CPSF4L: variants seen among roughly 807,000 people sequenced by gnomAD.
The protein encoded by CPSF4L is putative cleavage and polyadenylation specificity factor subunit 4-like protein.
Under a neutral mutation model 24.0 loss-of-function variants are expected in CPSF4L, and 18 were observed. That is an observed-to-expected ratio of 0.75 (90% confidence interval 0.52 to 1.11). CPSF4L has a LOEUF of 1.11. Among genes scored for constraint, CPSF4L ranks in the 50% least tolerant of loss-of-function variants. CPSF4L has a pLI of 0.00. For missense variants in CPSF4L, 211 were observed against 221.8 expected (o/e 0.95, Z 0.31); for synonymous variants, 72 against 77.2 (o/e 0.93, Z 0.35).
chr17:73,243,077 ATTTTTTTT>A, the CPSF4L span: 1,257 of 438,392 alleles, frequency 2.9e-3, 6 homozygotes, highest in East Asian at 0.039. Flanking sequence ...GATTCTCTGA[ATTTTTTTT>A]TTTTTTTTTT....
At chr17:73,256,124 G>C (rs2145279748) in intron 3 of CPSF4L, among the ~76,000 whole-genome samples, 1 of 152,284 alleles carries the variant, frequency 6.6e-6, no homozygotes, top group African/African-American at 2.4e-5. Context: ...GGGCGGAGGG[G>C]GACCTGGTCC....
chr17:73,259,850 C>T (rs186008922), intron 2 of CPSF4L, among the ~76,000 whole-genome samples: 2 of 152,324 alleles, frequency 1.3e-5, no homozygotes, highest in African/African-American at 2.4e-5. Flanking sequence ...TAAACTCTCA[C>T]ACCAGTGAGA....
intron 1 of CPSF4L, 139 bp downstream of exon 1, chr17:73,261,577 C>T (rs776244965): frequency 1.7e-5 from 11 of 640,750 alleles, no homozygotes; most frequent in Non-Finnish European, 2.5e-5. Context: ...AGGAGAATGG[C>T]GTGAACCCAG....
Position 73,261,773 on chromosome 17 carries a change from C to G in CPSF4L, c.46G>C (p.Glu16Gln), listed in dbSNP as rs777056080. ...CCCTTCTGCATCTCGACATCCTTCTCGAAGGCAAAGGTGAACCGCTCTAGC... is the reference window on the plus strand; with the variant it reads ...CCCTTCTGCATCTCGACATCCTTCTGGAAGGCAAAGGTGAACCGCTCTAGC... ...AGLERFTFAF[E>Q]KDVEMQKGTG... The change falls in exon 1 of 6, where the codon GAG becomes CAG. Residue 16 changes from glutamate (E) to glutamine (Q), a missense_variant. By Grantham distance (29) the Glu-to-Gln change is conservative. Coordinates refer to ENST00000344935, the MANE Select transcript of CPSF4L (RefSeq NM_001129885.1). 1 of 1,551,814 alleles carries G rather than the reference C, an allele frequency of 6.4e-7. No individual in the cohort carries two copies. The highest frequency in any genetic ancestry group is 1.7e-4 in the Middle Eastern group (1 of 5,992).
At chr17:73,251,001 C>G (rs1182998930) in intron 5 of CPSF4L, 3 of 1,547,644 alleles carry the variant, frequency 1.9e-6, no homozygotes, top group Non-Finnish European at 2.6e-6. Flanking sequence ...CCCTTGACCC[C>G]TGATCCCCAG....
At chr17:73,253,896 C>G in intron 4 of CPSF4L, 35 bp downstream of exon 4, 1 of 1,458,432 alleles carries the variant, frequency 6.9e-7, no homozygotes, top group South Asian at 1.2e-5. Flanking sequence ...CTGATCCCCA[C>G]AGCCCCTAGG....
chr17:73,248,983 G>T, intron 5 of CPSF4L: 1 of 156,060 alleles, frequency 6.4e-6, no homozygotes, highest in Non-Finnish European at 1.4e-5. Context: ...CTGATTATAT[G>T]CCTCTTCTAG....
At chr17:73,259,942 A>G (rs1200492612) in intron 2 of CPSF4L, among the ~76,000 whole-genome samples, 1 of 152,188 alleles carries the variant, frequency 6.6e-6, no homozygotes, top group Non-Finnish European at 1.5e-5. Context: ...TGGCAATTGT[A>G]TATTTCTGTT....
intron 4 of CPSF4L, 34 bp from the exon 5 acceptor site, chr17:73,252,757 C>T (rs529862493): frequency 1.7e-5 from 24 of 1,452,294 alleles, no homozygotes; most frequent in Admixed American, 1.4e-4. Flanking sequence ...GAGAAGGATC[C>T]GCTTCAGCAA....
intron 3 of CPSF4L, 101 bp from the exon 4 acceptor site, chr17:73,254,127 T>C (rs2062015594): frequency 3.6e-6 from 3 of 839,300 alleles, no homozygotes; most frequent in Non-Finnish European, 5.8e-6. Flanking sequence ...CAGAAGACAC[T>C]GGCCTTTATT....
downstream of CPSF4L, chr17:73,247,285 T>A: frequency 6.2e-7 from 1 of 1,614,172 alleles, no homozygotes; most frequent in Non-Finnish European, 8.5e-7. Flanking sequence ...AGTACCTCCA[T>A]GCATTGGTGT....
At chr17:73,251,328 C>T (rs2062005275) in intron 5 of CPSF4L, among the ~76,000 whole-genome samples, 1 of 152,174 alleles carries the variant, frequency 6.6e-6, no homozygotes, top group African/African-American at 2.4e-5. Context: ...GATCGCCTCC[C>T]ACCTTCTTTC....
intron 3 of CPSF4L, among the ~76,000 whole-genome samples, chr17:73,256,985 C>T (rs2062026771): frequency 6.6e-6 from 1 of 152,128 alleles, no homozygotes; most frequent in African/African-American, 2.4e-5. Context: ...CAAGATCACG[C>T]CACTGCACTC....
At chr17:73,258,889 G>A (rs1461210086) in intron 2 of CPSF4L, among the ~76,000 whole-genome samples, 5 of 152,168 alleles carry the variant, frequency 3.3e-5, no homozygotes, top group African/African-American at 1.2e-4. Context: ...TATGCTTCCC[G>A]ATTCCAGAGA....
At chr17:73,251,857 A>G (rs957187216) in intron 5 of CPSF4L, among the ~76,000 whole-genome samples, 1 of 152,192 alleles carries the variant, frequency 6.6e-6, no homozygotes, top group African/African-American at 2.4e-5. Flanking sequence ...ACAGTTCTCA[A>G]TCAGGGCCAG....
intron 4 of CPSF4L, among the ~76,000 whole-genome samples, chr17:73,252,933 G>C (rs909070124): frequency 6.6e-6 from 1 of 152,224 alleles, no homozygotes; most frequent in Non-Finnish European, 1.5e-5. Context: ...GAATGTGCTG[G>C]AGCAGGTGTC....
chr17:73,246,292 G>C (rs1222032576), downstream of CPSF4L, among the ~76,000 whole-genome samples: 1 of 152,058 alleles, frequency 6.6e-6, no homozygotes, highest in African/African-American at 2.4e-5. Context: ...CCAGCACTTT[G>C]GTAGGCCAAG....
chr17:73,261,938 C>T, upstream of CPSF4L: 1 of 744,538 alleles, frequency 1.3e-6, no homozygotes, highest in Admixed American at 2.2e-5. Context: ...CCCAGGGTGC[C>T]AGTGGCCAGG....
intron 2 of CPSF4L, among the ~76,000 whole-genome samples, chr17:73,259,656 G>A (rs1395472939): frequency 6.6e-6 from 1 of 152,234 alleles, no homozygotes; most frequent in East Asian, 1.9e-4. Flanking sequence ...TGAGCCTGCA[G>A]GGTCCTGGGT....
Sources: allele counts gnomAD v4.1 joint callset (sites outside exome capture counted in the v4.1 genomes callset), GRCh38; gene constraint gnomAD v4.1.1; transcripts MANE v1.5; gene names NCBI Gene and HGNC (gene_info 2026-07-23, HGNC 2026-07-21).